The following DLG2 variants were observed in gnomAD, a reference collection of about 807,000 sequenced individuals.
DLG2 encodes the protein disks large homolog 2.
In DLG2, 45 loss-of-function variants were observed where a neutral mutation model predicts 132.5. That is an observed-to-expected ratio of 0.34 (90% CI 0.27 to 0.44). The LOEUF (loss-of-function observed/expected upper bound fraction) is 0.44, where lower values mean the gene tolerates loss of function less well. Among genes scored for constraint, DLG2 ranks in the 20% least tolerant of loss-of-function variants. DLG2 has a pLI of 1.00. For synonymous variants in DLG2, 424 were observed against 419.6 expected, an observed-to-expected ratio of 1.01 and a Z score of -0.13; for missense variants, 1,045 against 1,196.9, an observed-to-expected ratio of 0.87 and a Z score of 1.87.
At chr11:84,087,818 T>A (rs1337217145) in intron 10 of DLG2, among the ~76,000 whole-genome samples, 1 of 152,228 alleles carries the variant, frequency 6.6e-6, no homozygotes, top group Non-Finnish European at 1.5e-5. Context: ...GGTTCCCCTG[T>A]CAACATTCCA....
rs777828752 is a variant in DLG2, at chr11:84,480,756, C to CTT, written c.519+53812_519+53813dup. On this transcript the variant is annotated intron_variant, in intron 7 of 27. Coordinates refer to ENST00000376104, the MANE Select transcript of DLG2 (RefSeq NM_001142699.3). ...TTGGTTTTTGTTTCTTGGGGGTTTT[C>CTT]TTTTTTTTTTTTTTTTTGAGATGGG... Among the ~76,000 whole-genome samples the CTT allele has an allele frequency of 7.3e-3, 820 of 113,006 alleles. 13 individuals carry two copies. Among genetic ancestry groups the CTT allele is most frequent in the African/African-American group, 0.023 (717 of 31,172 alleles). The allele number at this position is 113,006 out of a possible 152,430, so 74.1% of individuals were successfully genotyped here.
At chr11:85,000,678 G>C (rs1488365382) in intron 6 of DLG2, among the ~76,000 whole-genome samples, 1 of 152,118 alleles carries the variant, frequency 6.6e-6, no homozygotes, top group East Asian at 1.9e-4. Context: ...TTCAGAATTA[G>C]CTTCAGGTTA....
At chr11:83,680,624 T>C (rs2078619665) in intron 18 of DLG2, among the ~76,000 whole-genome samples, 2 of 152,132 alleles carry the variant, frequency 1.3e-5, no homozygotes, top group African/African-American at 4.8e-5. Context: ...CCAACCACAA[T>C]ACATCACTCC....
At chr11:84,739,191 T>C (rs1374773089) in intron 6 of DLG2, among the ~76,000 whole-genome samples, 2 of 152,188 alleles carry the variant, frequency 1.3e-5, no homozygotes, top group African/African-American at 4.8e-5. Flanking sequence ...AGATTCATTT[T>C]ATTATATGTA....
intron 19 of DLG2, among the ~76,000 whole-genome samples, chr11:83,591,670 G>A (rs2097189342): frequency 6.9e-6 from 1 of 144,170 alleles, no homozygotes; most frequent in Admixed American, 7.0e-5. Flanking sequence ...GGAAATAAAG[G>A]GTATTCAATT....
chr11:83,718,594 AG>A (rs1371859480), intron 18 of DLG2, among the ~76,000 whole-genome samples: 1 of 151,894 alleles, frequency 6.6e-6, no homozygotes, highest in Non-Finnish European at 1.5e-5. Flanking sequence ...AACAATCAGC[AG>A]CAGTTCTTGA....
At chr11:85,429,424 C>A (rs955227103) in intron 3 of DLG2, among the ~76,000 whole-genome samples, 1 of 152,092 alleles carries the variant, frequency 6.6e-6, no homozygotes, top group Non-Finnish European at 1.5e-5. Flanking sequence ...TGAACAGGAA[C>A]CTACAGAATG....
At chr11:84,508,437 G>C (rs528045529) in intron 7 of DLG2, among the ~76,000 whole-genome samples, 1 of 137,096 alleles carries the variant, frequency 7.3e-6, no homozygotes, top group East Asian at 2.1e-4. Context: ...ACAGAGTCTC[G>C]CTGTTGCCAG....
At chr11:85,125,454 T>C (rs2074974724) in intron 5 of DLG2, among the ~76,000 whole-genome samples, 1 of 152,206 alleles carries the variant, frequency 6.6e-6, no homozygotes, top group South Asian at 2.1e-4. Flanking sequence ...TATGGATATA[T>C]GTCTGAAAAA....
intron 9 of DLG2, among the ~76,000 whole-genome samples, chr11:84,144,845 T>C (rs560980558): frequency 6.6e-6 from 1 of 151,866 alleles, no homozygotes; most frequent in South Asian, 2.1e-4. Context: ...GCCTGAGAGT[T>C]AAGCTACAGA....
intron 7 of DLG2, among the ~76,000 whole-genome samples, chr11:84,458,603 T>C (rs2099071775): frequency 6.6e-6 from 1 of 150,864 alleles, no homozygotes; most frequent in African/African-American, 2.4e-5. Flanking sequence ...TGTTAAGAGC[T>C]CTTTAGAGTT....
At chr11:85,065,006 A>G (rs1404049357) in intron 6 of DLG2, among the ~76,000 whole-genome samples, 2 of 151,652 alleles carry the variant, frequency 1.3e-5, no homozygotes, top group Non-Finnish European at 3.0e-5. Flanking sequence ...GATAAGTAGT[A>G]TATCTGTGGT....
At chr11:85,502,497 G>GGATGAAGTGGTTCCAC in intron 3 of DLG2, among the ~76,000 whole-genome samples, 1 of 152,180 alleles carries the variant, frequency 6.6e-6, no homozygotes, top group East Asian at 1.9e-4. Flanking sequence ...CATGTCCTTT[G>GGATGAAGTGGTTCCAC]CAGGGACATG....
intron 6 of DLG2, among the ~76,000 whole-genome samples, chr11:84,966,220 G>A (rs1421972816): frequency 6.6e-6 from 1 of 151,828 alleles, no homozygotes; most frequent in Non-Finnish European, 1.5e-5. Context: ...CTATCTATCT[G>A]TCTGTCTGTT....
chr11:84,226,023 C>T (rs535920628), intron 8 of DLG2, among the ~76,000 whole-genome samples: 12 of 152,304 alleles, frequency 7.9e-5, no homozygotes, highest in African/African-American at 2.6e-4. Flanking sequence ...GTTGGCCAGG[C>T]TGGTGTCAAA....
intron 2 of DLG2, among the ~76,000 whole-genome samples, chr11:85,624,625 T>C (rs2081940629): frequency 6.6e-6 from 1 of 152,130 alleles, no homozygotes; most frequent in South Asian, 2.1e-4. Flanking sequence ...CAATGAAAAA[T>C]ACAATATACA....
At chr11:84,460,250 G>A (rs2099076821) in intron 7 of DLG2, among the ~76,000 whole-genome samples, 1 of 150,512 alleles carries the variant, frequency 6.6e-6, no homozygotes, top group Non-Finnish European at 1.5e-5. Context: ...ATTGCGTTGT[G>A]TAGGATGCAT....
chr11:85,507,852 G>A (rs1235413680), intron 3 of DLG2, among the ~76,000 whole-genome samples: 1 of 152,112 alleles, frequency 6.6e-6, no homozygotes, highest in Non-Finnish European at 1.5e-5. Flanking sequence ...CCAATCAGAC[G>A]TAGATTTGGT....
intron 6 of DLG2, among the ~76,000 whole-genome samples, chr11:84,843,640 C>T (rs565639089): frequency 6.6e-6 from 1 of 151,976 alleles, no homozygotes; most frequent in South Asian, 2.1e-4. Flanking sequence ...ATAACCTATA[C>T]ACATCCTCTC....
Sources: gnomAD v4.1 joint callset for allele counts (sites outside exome capture counted in the v4.1 genomes callset) on GRCh38, gnomAD v4.1.1 for gene constraint, MANE v1.5 for transcripts, NCBI Gene and HGNC (gene_info 2026-07-23, HGNC 2026-07-21) for gene names.